SH3BGR: variants seen among roughly 807,000 people sequenced by gnomAD.
SH3BGR encodes the protein SH3 domain binding glutamate rich protein, also known as SH3 domain-binding glutamic acid-rich protein.
A neutral mutation model predicts 24.5 loss-of-function variants in SH3BGR; 29 were observed. That is an observed-to-expected ratio of 1.18 (90% CI 0.88 to 1.61). The LOEUF is 1.61. SH3BGR is among the 40% of genes most tolerant of loss of function. SH3BGR has a pLI of 0.00. For missense variants in SH3BGR, 162 were observed against 205.8 expected, an observed-to-expected ratio of 0.79 and a Z score of 1.30; for synonymous variants, 55 against 65.7, an observed-to-expected ratio of 0.84 and a Z score of 0.79.
chr21:39,463,839 G>A (rs781305785), intron 2 of SH3BGR, among the ~76,000 whole-genome samples: 8 of 152,188 alleles, frequency 5.3e-5, no homozygotes, highest in Non-Finnish European at 1.0e-4. Flanking sequence ...GTTGTTGGGG[G>A]CTTGTATTAG....
At chr21:39,449,645 T>G (rs2077551421), upstream of SH3BGR, among the ~76,000 whole-genome samples, 1 of 152,190 alleles carries the variant, frequency 6.6e-6, no homozygotes, top group Non-Finnish European at 1.5e-5. Flanking sequence ...AAGAATAAAC[T>G]TAAAAAAATT....
chr21:39,456,304 A>G (rs2077653574), intron 1 of SH3BGR, among the ~76,000 whole-genome samples: 2 of 152,218 alleles, frequency 1.3e-5, no homozygotes, highest in African/African-American at 4.8e-5. Flanking sequence ...ATAGTTAATT[A>G]AAAGTAAAAC....
At chr21:39,455,688 G>A (rs558459684) in intron 1 of SH3BGR, among the ~76,000 whole-genome samples, 53 of 152,276 alleles carry the variant, frequency 3.5e-4, no homozygotes, top group Non-Finnish European at 6.2e-4. Context: ...CGACAGTGCC[G>A]GCCAGGTTAG....
intron 3 of SH3BGR, among the ~76,000 whole-genome samples, chr21:39,478,598 A>G (rs1480062211): frequency 6.6e-6 from 1 of 152,200 alleles, no homozygotes; most frequent in African/African-American, 2.4e-5. Flanking sequence ...GAGGACTTCT[A>G]TGCGGATTCA....
At chr21:39,475,097 G>A in intron 2 of SH3BGR, 38 bp from the exon 3 acceptor site, 1 of 1,267,494 alleles carries the variant, frequency 7.9e-7, no homozygotes, top group Non-Finnish European at 1.1e-6. Flanking sequence ...GCTCACAAGT[G>A]TGCAGTAGTT....
At chr21:39,450,202 AAAG>A (rs1486036314), upstream of SH3BGR, among the ~76,000 whole-genome samples, 13 of 152,374 alleles carry the variant, frequency 8.5e-5, no homozygotes, top group African/African-American at 2.9e-4. Context: ...AAAATGCAGA[AAAG>A]AAAAACTGAT....
At chr21:39,484,155 G>A (rs544952029) in intron 3 of SH3BGR, among the ~76,000 whole-genome samples, 1 of 152,298 alleles carries the variant, frequency 6.6e-6, no homozygotes, top group South Asian at 2.1e-4. Flanking sequence ...GATGGGAAAA[G>A]GTCAGTGTGG....
upstream of SH3BGR, chr21:39,451,797 G>A (rs1256104814): frequency 1.3e-5 from 16 of 1,192,074 alleles, no homozygotes; most frequent in South Asian, 9.2e-5. Flanking sequence ...GACTGTTGTC[G>A]CGCGTTTAAA....
Position 39,492,443 on chromosome 21 carries a change from G to GGTGTGTGTGTGT in SH3BGR, c.313-7367_313-7356dup, listed in dbSNP as rs1164205385. Among the ~76,000 whole-genome samples the GGTGTGTGTGTGT allele has an allele frequency of 9.4e-4, 129 of 136,622 alleles. 1 individual carries two copies. Among genetic ancestry groups the GGTGTGTGTGTGT allele is most frequent in the African/African-American group, 3.4e-3 (125 of 36,308 alleles). 89.6% of individuals were successfully genotyped at this position (136,622 alleles called of 152,430 possible). A position where few individuals can be genotyped will look rare whatever the true frequency, so the allele number is the denominator to read the frequency against. ...TTTTTATGGCTGAGTAGTTTCCCTT[G>GGTGTGTGTGTGT]GTGTGTGTGTGTGTGTGTGTGTGTA... On this transcript the variant is annotated intron_variant, in intron 3 of 6. Coordinates refer to ENST00000333634, the MANE Select transcript of SH3BGR (RefSeq NM_007341.3).
At chr21:39,476,153 G>A (rs545803026) in intron 3 of SH3BGR, among the ~76,000 whole-genome samples, 36 of 152,300 alleles carry the variant, frequency 2.4e-4, no homozygotes, top group African/African-American at 8.4e-4. Flanking sequence ...AAGTTGCCTG[G>A]AAGATGAGAA....
At chr21:39,491,315 G>GT (rs2078295521) in intron 3 of SH3BGR, among the ~76,000 whole-genome samples, 1 of 151,674 alleles carries the variant, frequency 6.6e-6, no homozygotes. Context: ...ACACTGGGCT[G>GT]TTTTTGTATT....
At chr21:39,454,038 A>G (rs4358205) in intron 1 of SH3BGR, among the ~76,000 whole-genome samples, 131,442 of 152,222 alleles carry the variant, frequency 0.86, 56,934 homozygotes, top group Non-Finnish European at 0.9. Context: ...TTAGTAGATC[A>G]GGGTCTATGA....
intron 3 of SH3BGR, among the ~76,000 whole-genome samples, chr21:39,497,040 T>C (rs1184189488): frequency 1.3e-5 from 2 of 151,922 alleles, no homozygotes; most frequent in Middle Eastern, 3.2e-3. Context: ...GTGTAACAAC[T>C]TGACTTTCCA....
chr21:39,458,973 G>A (rs1050880118), intron 1 of SH3BGR, among the ~76,000 whole-genome samples: 7 of 151,750 alleles, frequency 4.6e-5, no homozygotes, highest in African/African-American at 1.7e-4. Context: ...CTTAATAAAT[G>A]GCCATACTTT....
At position 39,485,719 on chromosome 21, in the gene SH3BGR, G is replaced by A. The variant is rs184958684; in HGVS notation, c.312+10504G>A. Among the ~76,000 whole-genome samples the A allele has an allele frequency of 3.7e-3, 506 of 138,026 alleles. 3 individuals carry two copies. The highest frequency in any genetic ancestry group is 0.013 in the African/African-American group (475 of 36,824). The allele number at this position is 138,026 out of a possible 152,430, so 90.6% of individuals were successfully genotyped here. ...TTTTTTTTTTTTGAGACGGAGTCTC[G>A]CTCTGTCGCCCAGGCTGGAGTGCAG... On this transcript the variant is annotated intron_variant, in intron 3 of 6. Transcript: ENST00000333634.
upstream of SH3BGR, among the ~76,000 whole-genome samples, chr21:39,449,064 G>T (rs1429940128): frequency 6.6e-6 from 1 of 152,162 alleles, no homozygotes; most frequent in South Asian, 2.1e-4. Context: ...TTGATATAAA[G>T]AGCCAAATTC....
chr21:39,471,810 C>T (rs898225711), intron 2 of SH3BGR, among the ~76,000 whole-genome samples: 5 of 152,216 alleles, frequency 3.3e-5, no homozygotes, highest in East Asian at 3.9e-4. Context: ...TTTCTCTTCA[C>T]GTGTGTTTGT....
chr21:39,460,061 C>T (rs1257876440), intron 1 of SH3BGR, among the ~76,000 whole-genome samples: 2 of 152,058 alleles, frequency 1.3e-5, no homozygotes, highest in Non-Finnish European at 2.9e-5. Flanking sequence ...GAGATGGCCA[C>T]GTTGGTAAGA....
intron 3 of SH3BGR, among the ~76,000 whole-genome samples, chr21:39,479,653 G>A (rs951057963): frequency 6.6e-5 from 10 of 152,098 alleles, no homozygotes; most frequent in African/African-American, 2.4e-4. Flanking sequence ...ATGCCCAGGA[G>A]GTCATATTTC....
Sources: gnomAD v4.1 joint callset for allele counts (sites outside exome capture counted in the v4.1 genomes callset) on GRCh38, gnomAD v4.1.1 for gene constraint, MANE v1.5 for transcripts, NCBI Gene and HGNC (gene_info 2026-07-23, HGNC 2026-07-21) for gene names.